The following SEC23A variants were observed in gnomAD, a reference collection of about 807,000 sequenced individuals.
SEC23A encodes the protein SEC23 homolog A, COPII component.
Under a neutral mutation model 103.7 loss-of-function variants are expected in SEC23A, and 56 were observed. The ratio of observed to expected loss-of-function variants is 0.54; its 90% confidence interval spans 0.44 to 0.67. The LOEUF (loss-of-function observed/expected upper bound fraction) is 0.67, where lower values mean the gene tolerates loss of function less well. Ranked by LOEUF, SEC23A falls within the 30% of genes least tolerant of loss-of-function variation. SEC23A has a pLI of 0.00. For missense variants in SEC23A, 784 were observed against 936.4 expected (o/e 0.84, Z 2.12); for synonymous variants, 281 against 293.0 (o/e 0.96, Z 0.42).
intron 9 of SEC23A, among the ~76,000 whole-genome samples, chr14:39,072,091 G>A (rs1300123517): frequency 3.3e-5 from 5 of 151,906 alleles, no homozygotes; most frequent in Non-Finnish European, 1.5e-5. Flanking sequence ...AAATAGTCGG[G>A]TGTGGTGGTG....
rs750853379 is a variant in SEC23A, at chr14:39,059,278, TAAAAAAAAAA to T, written c.1505+2477_1505+2486del. 9.3e-3 allele frequency among the ~76,000 whole-genome samples: 668 copies of T among 71,828 alleles called. 27 individuals carry two copies. The East Asian group carries it at 0.17, about 18-fold the overall frequency. The allele number at this position is 71,828 out of a possible 152,430, so 47.1% of individuals were successfully genotyped here. On this transcript the variant is annotated intron_variant, in intron 13 of 19. Transcript: ENST00000307712. Reference sequence around the variant, plus strand: ...GGCCCCTAAAGTCATAGTCCTAGTTTAAAAAAAAAAAAAAAAAAAAAAAAAAAAAAAACAA... The same window carrying T: ...GGCCCCTAAAGTCATAGTCCTAGTTTAAAAAAAAAAAAAAAAAAAAAACAA...
Position 39,045,189 on chromosome 14 carries a change from C to T in SEC23A, c.1873G>A (p.Ala625Thr), listed in dbSNP as rs1885787921. ...TCTGGTGGTCCACTAAAAGAATACG[C>T]ATACAGGATAGGCTGAATCATAATT... ...SLIMIQPILY[A>T]YSFSGPPEPV... is the part of the protein sequence containing the mutation. The change falls in exon 16 of 20, where the codon GCG (alanine) becomes ACG (threonine). Residue 625 changes from alanine to threonine, a missense_variant. Coordinates refer to ENST00000307712, the MANE Select transcript of SEC23A (RefSeq NM_006364.4). 1.9e-6 allele frequency: 3 copies of T among 1,613,598 alleles called. No homozygotes were observed. Among genetic ancestry groups the T allele is most frequent in the Non-Finnish European group, 2.5e-6 (3 of 1,179,800 alleles).
Position 39,096,016 on chromosome 14 carries a change from C to A in SEC23A, c.103G>T (p.Val35Phe). The change falls in exon 2 of 20, where the codon GTT becomes TTT. Residue 35 changes from valine to phenylalanine, a missense_variant. Physicochemically the swap from Val to Phe is conservative, Grantham distance 50. Coordinates refer to ENST00000307712, the MANE Select transcript of SEC23A (RefSeq NM_006364.4). ...PSSRLEATRMVVPVAALFTPL... is the reference protein window; with the variant it reads ...PSSRLEATRMFVPVAALFTPL... ...GTAAACAGGGCTGCCACAGGAACAA[C>A]CATTCTTGTAGCTTCCAGTCGACTT... is the stretch of plus-strand genomic sequence containing the variant. The A allele has an allele frequency of 6.2e-7, 1 of 1,613,918 alleles. No homozygotes were observed. Among genetic ancestry groups the A allele is most frequent in the Non-Finnish European group, 8.5e-7 (1 of 1,179,804 alleles).
chr14:39,068,513 T>C lies in SEC23A; in HGVS notation c.1104-1217A>G, dbSNP rs543858918. 5.9e-5 allele frequency among the ~76,000 whole-genome samples: 9 copies of C among 152,282 alleles called. No homozygotes were observed. In the South Asian group the frequency reaches 1.9e-3, roughly 32 times the overall value. On this transcript the variant is annotated intron_variant, in intron 9 of 19. Coordinates refer to ENST00000307712, the MANE Select transcript of SEC23A (RefSeq NM_006364.4). Reference sequence around the variant, plus strand: ...TTTTTCCCTTGTGTTTGAAATACTGTATTTCAAACACAAACTCAGAATAAC... The same window carrying C: ...TTTTTCCCTTGTGTTTGAAATACTGCATTTCAAACACAAACTCAGAATAAC...
intron 1 of SEC23A, among the ~76,000 whole-genome samples, chr14:39,097,865 A>C (rs1376987003): frequency 6.6e-6 from 1 of 151,976 alleles, no homozygotes; most frequent in East Asian, 1.9e-4. Flanking sequence ...CAGGTGGATC[A>C]CCTGAGATCA....
rs1003909140 is a variant in SEC23A, at chr14:39,042,714, A to G, written c.1986+72T>C. The G allele has an allele frequency of 2.0e-5, 18 of 921,052 alleles. No homozygotes were observed. In the East Asian group the frequency reaches 2.4e-4, roughly 12 times the overall value. 57.1% of individuals were successfully genotyped at this position (921,052 alleles called of 1,614,324 possible). On this transcript the variant is annotated intron_variant, in intron 17 of 19. Coordinates refer to ENST00000307712, the MANE Select transcript of SEC23A (RefSeq NM_006364.4). ...TCATAGATGAAACACTAGCCATACAATTAGAAGTAAGAAAACCTTTCTAAG... is the reference window on the plus strand; with the variant it reads ...TCATAGATGAAACACTAGCCATACAGTTAGAAGTAAGAAAACCTTTCTAAG...
chr14:39,058,424 C>T (rs1886322957), intron 13 of SEC23A, among the ~76,000 whole-genome samples: 1 of 152,176 alleles, frequency 6.6e-6, no homozygotes, highest in African/African-American at 2.4e-5. Context: ...TCTCCTGCCT[C>T]AGCCTCCCAA....
chr14:39,095,961 G>A lies in SEC23A; in HGVS notation c.158C>T (p.Pro53Leu), dbSNP rs1418469620. ...ACACAGAACAGGTTCATATTGAATA[G>A]GTGGTAAGTCAGGTCTCTCTTTCAG... ...TPLKERPDLP[P>L]IQYEPVLCSR... Residue 53 changes from proline to leucine, a missense_variant, in exon 2 of 20, where the codon CCT becomes CTT. Pro to Leu is a moderately conservative substitution (Grantham distance 98). This residue lies in a region of SEC23A where 683 missense variants were observed against 774.2 expected (regional missense o/e 0.88). Transcript: ENST00000307712. 2 of 1,614,030 alleles carry A rather than the reference G, an allele frequency of 1.2e-6. No homozygotes were observed. The highest frequency in any genetic ancestry group is 1.7e-6 in the Non-Finnish European group (2 of 1,180,026).
In SEC23A at chr14:39,067,240, T is replaced by C. The variant is rs1472298590; in HGVS notation, c.1160A>G (p.Gln387Arg). The C allele has an allele frequency of 6.2e-7, 1 of 1,613,726 alleles. No homozygotes were observed. ...ATGCATGTCTTTGGTAAAGACTCTT[T>C]GAAAAGTTTGTTTGAATAAGGAAGT... ...FNTSLFKQTF[Q>R]RVFTKDMHGQ... Residue 387 changes from glutamine (Q) to arginine (R), a missense_variant, in exon 10 of 20, where the codon CAA becomes CGA. This residue lies in a region of SEC23A where 683 missense variants were observed against 774.2 expected (regional missense o/e 0.88). Coordinates refer to ENST00000307712, the MANE Select transcript of SEC23A (RefSeq NM_006364.4).
intron 1 of SEC23A, among the ~76,000 whole-genome samples, chr14:39,098,943 T>A (rs1887988266): frequency 6.6e-6 from 1 of 151,472 alleles, no homozygotes; most frequent in Non-Finnish European, 1.5e-5. Context: ...GCAAAAGGCA[T>A]TAAAATAGCT....
intron 11 of SEC23A, among the ~76,000 whole-genome samples, chr14:39,064,216 T>C (rs1017572749): frequency 6.6e-6 from 1 of 152,082 alleles, no homozygotes; most frequent in Admixed American, 6.5e-5. Flanking sequence ...GCAAACTGCT[T>C]GTACATATTA....
At chr14:39,048,175 T>C (rs1885911289) in intron 15 of SEC23A, among the ~76,000 whole-genome samples, 1 of 152,162 alleles carries the variant, frequency 6.6e-6, no homozygotes, top group Non-Finnish European at 1.5e-5. Flanking sequence ...AATATAAAAA[T>C]ATTATATACT....
intron 14 of SEC23A, among the ~76,000 whole-genome samples, chr14:39,053,322 A>G (rs1284887162): frequency 6.6e-6 from 1 of 152,212 alleles, no homozygotes; most frequent in African/African-American, 2.4e-5. Context: ...AGATTTCTAA[A>G]TAACAGTGAA....
intron 18 of SEC23A, 107 bp downstream of exon 18, chr14:39,040,625 T>C: frequency 7.1e-7 from 1 of 1,414,480 alleles, no homozygotes. Context: ...TCTCCTTACC[T>C]TTCTGTCTGC....
At chr14:39,063,538 T>C (rs1250281878) in intron 11 of SEC23A, 125 bp from the exon 12 acceptor site, 2 of 612,212 alleles carry the variant, frequency 3.3e-6, no homozygotes, top group East Asian at 2.8e-5. Flanking sequence ...TTCAACAATG[T>C]TAAGAGCTTA....
intron 13 of SEC23A, among the ~76,000 whole-genome samples, chr14:39,057,864 G>T (rs1050729315): frequency 7.2e-5 from 11 of 152,102 alleles, no homozygotes; most frequent in African/African-American, 2.7e-4. Context: ...TAAAGTGTCG[G>T]AAGTTTCTCA....
In SEC23A at chr14:39,067,227, G is replaced by A. The variant is rs769860759; in HGVS notation, c.1173C>T (p.Thr391=). 6.2e-7 allele frequency: 1 copy of A among 1,613,432 alleles called. No homozygotes were observed. Among genetic ancestry groups the A allele is most frequent in the Non-Finnish European group, 8.5e-7 (1 of 1,179,670 alleles). The part of the protein sequence containing the change: ...LFKQTFQRVF[T]KDMHGQFKMG... ...TTTTAAACTGTCCATGCATGTCTTTGGTAAAGACTCTTTGAAAAGTTTGTT... is the reference window on the plus strand; with the variant it reads ...TTTTAAACTGTCCATGCATGTCTTTAGTAAAGACTCTTTGAAAAGTTTGTT... Residue 391 remains threonine (T), a synonymous_variant, in exon 10 of 20, where the codon ACC becomes ACT. Coordinates refer to ENST00000307712, the MANE Select transcript of SEC23A (RefSeq NM_006364.4).
intron 9 of SEC23A, among the ~76,000 whole-genome samples, chr14:39,072,196 C>A (rs1886862941): frequency 6.6e-6 from 1 of 151,438 alleles, no homozygotes; most frequent in African/African-American, 2.4e-5. Flanking sequence ...CGCACCACTG[C>A]ACTCTTGCCT....
chr14:39,101,340 C>A (rs2139309185), intron 1 of SEC23A, among the ~76,000 whole-genome samples: 1 of 152,154 alleles, frequency 6.6e-6, no homozygotes, highest in South Asian at 2.1e-4. Flanking sequence ...ACTTCCCTGG[C>A]CGGGCGCGGT....
Sources: allele counts gnomAD v4.1 joint callset (sites outside exome capture counted in the v4.1 genomes callset), GRCh38; gene constraint gnomAD v4.1.1; regional missense constraint gnomAD v4.1.1; transcripts MANE v1.5; gene names NCBI Gene and HGNC (gene_info 2026-07-23, HGNC 2026-07-21).